The following COL22A1 variants were observed in gnomAD, a reference collection of about 807,000 sequenced individuals.
COL22A1 encodes the protein collagen alpha-1(XXII) chain.
Under a neutral mutation model 248.9 loss-of-function variants are expected in COL22A1, and 221 were observed. The ratio of observed to expected loss-of-function variants is 0.89; its 90% CI spans 0.80 to 0.99. The LOEUF is 0.99. Ranked by LOEUF, COL22A1 falls within the 50% of genes least tolerant of loss-of-function variation. The pLI, the probability that COL22A1 is intolerant of heterozygous loss-of-function variation, is 0.00. For synonymous variants in COL22A1, 891 were observed against 793.4 expected (o/e 1.12, Z -2.07); for missense variants, 2,240 against 2,179.0 (o/e 1.03, Z -0.56).
At chr8:138,794,375 G>T (rs1816316328) in intron 12 of COL22A1, among the ~76,000 whole-genome samples, 1 of 149,768 alleles carries the variant, frequency 6.7e-6, no homozygotes, top group South Asian at 2.1e-4. Flanking sequence ...GACAGAGTGA[G>T]ACTCCATCTC....
intron 36 of COL22A1, among the ~76,000 whole-genome samples, chr8:138,689,490 C>T (rs754421114): frequency 1.1e-4 from 16 of 152,092 alleles, no homozygotes; most frequent in South Asian, 2.1e-4. Context: ...CCAAGGCAGA[C>T]GGATCACTTG....
At position 138,878,134 on chromosome 8, in the gene COL22A1, A is replaced by C. The variant is rs1223127660; in HGVS notation, c.274T>G (p.Leu92Val). The C allele has an allele frequency of 6.2e-7, 1 of 1,606,022 alleles. No individual in the cohort carries two copies. Among genetic ancestry groups the C allele is most frequent in the Non-Finnish European group, 8.5e-7 (1 of 1,177,012 alleles). ...YSDRPTTAFE[L>V]GLFGSQEEVK... The stretch of plus-strand genomic sequence containing the variant: ...TCCTCCTGCGAGCCAAAGAGTCCCA[A>C]CTCGAAGGCCGTGGTGGGCCGGTCG... Residue 92 changes from leucine to valine, a missense_variant, in exon 3 of 65, where the codon TTG becomes GTG. Transcript: ENST00000303045.
intron 41 of COL22A1, among the ~76,000 whole-genome samples, chr8:138,669,752 G>C (rs144584575): frequency 1.3e-3 from 193 of 152,264 alleles, no homozygotes; most frequent in African/African-American, 4.1e-3. Context: ...AGCATGTTAA[G>C]TGTACCTTAG....
chr8:138,705,958 CA>C (rs1173078015), intron 30 of COL22A1, among the ~76,000 whole-genome samples: 5 of 150,842 alleles, frequency 3.3e-5, no homozygotes, highest in Admixed American at 3.3e-4. Flanking sequence ...AAATGGAAAG[CA>C]AAAAAAACCA....
intron 16 of COL22A1, among the ~76,000 whole-genome samples, chr8:138,767,034 C>G (rs1311451106): frequency 1.3e-5 from 2 of 152,218 alleles, no homozygotes; most frequent in Admixed American, 1.3e-4. Context: ...GATCCAAACC[C>G]TGGCTCTCCC....
intron 25 of COL22A1, among the ~76,000 whole-genome samples, chr8:138,723,532 C>T (rs1830063884): frequency 6.6e-6 from 1 of 152,188 alleles, no homozygotes; most frequent in South Asian, 2.1e-4. Context: ...TCTGAATGTT[C>T]ACACCGATCT....
intron 41 of COL22A1, among the ~76,000 whole-genome samples, chr8:138,675,855 T>G (rs1184039815): frequency 6.6e-6 from 1 of 152,098 alleles, no homozygotes; most frequent in African/African-American, 2.4e-5. Context: ...AAAACAAAAT[T>G]CTACTGAATT....
intron 47 of COL22A1, among the ~76,000 whole-genome samples, chr8:138,638,467 A>G (rs1034340359): frequency 1.3e-5 from 2 of 152,106 alleles, no homozygotes; most frequent in African/African-American, 4.8e-5. Context: ...CAGTTCTCTC[A>G]TGGAAACATC....
chr8:138,892,385 G>T (rs1015976714), intron 1 of COL22A1, among the ~76,000 whole-genome samples: 1 of 152,170 alleles, frequency 6.6e-6, no homozygotes, highest in Non-Finnish European at 1.5e-5. Context: ...GTATGGTAAG[G>T]GTTACAGGAA....
intron 2 of COL22A1, among the ~76,000 whole-genome samples, chr8:138,879,617 G>T (rs1824016558): frequency 6.7e-6 from 1 of 149,894 alleles, no homozygotes; most frequent in African/African-American, 2.5e-5. Flanking sequence ...CTTTGAGCCG[G>T]GAGGTGGAGG....
intron 50 of COL22A1, among the ~76,000 whole-genome samples, chr8:138,628,128 T>C (rs1234005529): frequency 6.6e-6 from 1 of 152,030 alleles, no homozygotes; most frequent in East Asian, 1.9e-4. Flanking sequence ...TCTTTTTATG[T>C]GACAGATGAC....
intron 47 of COL22A1, among the ~76,000 whole-genome samples, chr8:138,644,583 C>T (rs976908449): frequency 6.6e-6 from 1 of 152,078 alleles, no homozygotes; most frequent in Non-Finnish European, 1.5e-5. Flanking sequence ...TCACAGAGCA[C>T]GTGTAGTCAA....
At chr8:138,899,804 A>G (rs988642713) in intron 1 of COL22A1, among the ~76,000 whole-genome samples, 4 of 152,222 alleles carry the variant, frequency 2.6e-5, no homozygotes, top group Non-Finnish European at 4.4e-5. Flanking sequence ...GATTATAAGC[A>G]TGAGCCACTG....
At chr8:138,830,290 G>A (rs1819940541) in intron 5 of COL22A1, among the ~76,000 whole-genome samples, 1 of 152,168 alleles carries the variant, frequency 6.6e-6, no homozygotes. Context: ...GCTCGTTTCT[G>A]TTATTGTCAT....
chr8:138,776,000 C>T lies in COL22A1; in HGVS notation c.1769G>A (p.Gly590Glu), dbSNP rs1814421017. The T allele has an allele frequency of 1.2e-6, 2 of 1,614,144 alleles. No homozygotes were observed. The highest frequency in any genetic ancestry group is 2.7e-5 in the African/African-American group (2 of 75,040). Reference protein sequence around the residue: ...PGRVGAPGLQGERGEKGTRGE... With the variant: ...PGRVGAPGLQEERGEKGTRGE... ...TCGAGTTCCCTTTTCACCTCGTTCT[C>T]CTTGGAGACCCTGGGGGACAAAGAA... The change falls in exon 16 of 65, where the codon GGA (glycine) becomes GAA (glutamate). Residue 590 changes from glycine to glutamate, a missense_variant. Transcript: ENST00000303045.
intron 23 of COL22A1, among the ~76,000 whole-genome samples, chr8:138,729,663 C>T (rs551778769): frequency 1.5e-4 from 23 of 152,262 alleles, no homozygotes; most frequent in African/African-American, 2.6e-4. Context: ...TTACAGGGGA[C>T]GTGCTCACAA....
chr8:138,746,277 C>A (rs1049439571), intron 22 of COL22A1, among the ~76,000 whole-genome samples: 3 of 152,198 alleles, frequency 2.0e-5, no homozygotes, highest in African/African-American at 7.2e-5. Context: ...TCGTCTCTTC[C>A]CTTGCACAGC....
At chr8:138,594,900 T>C (rs1587624480) in intron 62 of COL22A1, among the ~76,000 whole-genome samples, 1 of 152,154 alleles carries the variant, frequency 6.6e-6, no homozygotes, top group East Asian at 1.9e-4. Flanking sequence ...TGATGGTCAC[T>C]GGAGATCCTA....
intron 22 of COL22A1, among the ~76,000 whole-genome samples, chr8:138,747,910 G>C (rs1422826192): frequency 1.3e-5 from 2 of 152,200 alleles, no homozygotes; most frequent in Non-Finnish European, 2.9e-5. Context: ...GACTGGTTGA[G>C]AGTCCCCAAT....
Sources: allele counts gnomAD v4.1 joint callset (sites outside exome capture counted in the v4.1 genomes callset), GRCh38; gene constraint gnomAD v4.1.1; transcripts MANE v1.5; gene names NCBI Gene and HGNC (gene_info 2026-07-23, HGNC 2026-07-21).